MSH4: variants seen among roughly 807,000 people sequenced by gnomAD.
MSH4 encodes mutS protein homolog 4.
MSH4 carries 106 observed loss-of-function variants against 113.7 expected under a neutral mutation model. That is an observed-to-expected ratio of 0.93 (90% CI 0.80 to 1.10). The LOEUF is 1.10. Among genes scored for constraint, MSH4 ranks in the 50% least tolerant of loss-of-function variants. The probability of loss-of-function intolerance (pLI) is 0.00; values close to 1 mark genes in which losing one functional copy is unlikely to be tolerated. For synonymous variants in MSH4, 368 were observed against 380.2 expected, an observed-to-expected ratio of 0.97 and a Z score of 0.37; for missense variants, 1,061 against 1,093.7, an observed-to-expected ratio of 0.97 and a Z score of 0.42.
chr1:75,878,143 T>C lies in MSH4; in HGVS notation c.1371-6T>C. 1.3e-6 allele frequency: 2 copies of C among 1,556,014 alleles called. No individual in the cohort carries two copies. The highest frequency in any genetic ancestry group is 1.7e-6 in the Non-Finnish European group (2 of 1,152,594). On this transcript the variant is annotated splice_region_variant and splice_polypyrimidine_tract_variant and intron_variant, in intron 10 of 19. Coordinates refer to ENST00000263187, the MANE Select transcript of MSH4 (RefSeq NM_002440.4). Reference sequence around the variant, plus strand: ...TATAATGTTTTTCTTTTGGCCTTAATATTAGGTTTGGAATCATACTTGAAA... The same window carrying C: ...TATAATGTTTTTCTTTTGGCCTTAACATTAGGTTTGGAATCATACTTGAAA...
intron 14 of MSH4, among the ~76,000 whole-genome samples, chr1:75,883,333 T>A (rs1188132265): frequency 6.6e-6 from 1 of 151,698 alleles, no homozygotes. Context: ...CTTTTTAATC[T>A]ACAAAAAGCT....
At chr1:75,879,524 T>C (rs1651886159) in intron 12 of MSH4, among the ~76,000 whole-genome samples, 1 of 152,206 alleles carries the variant, frequency 6.6e-6, no homozygotes, top group South Asian at 2.1e-4. Flanking sequence ...GAATAATTTT[T>C]CCTATATAGC....
intron 9 of MSH4, 38 bp downstream of exon 9, chr1:75,867,626 C>A: frequency 7.6e-7 from 1 of 1,318,752 alleles, no homozygotes. Context: ...ACATGTCCAG[C>A]ATTATTTTTT....
intron 8 of MSH4, among the ~76,000 whole-genome samples, chr1:75,851,700 G>A (rs1445284642): frequency 3.9e-5 from 6 of 152,078 alleles, no homozygotes; most frequent in South Asian, 2.1e-4. Context: ...GTGAACCATC[G>A]GACACAGCCT....
At chr1:75,877,914 A>T (rs1332585831) in intron 10 of MSH4, among the ~76,000 whole-genome samples, 1 of 152,206 alleles carries the variant, frequency 6.6e-6, no homozygotes, top group African/African-American at 2.4e-5. Context: ...TAGCAGATGT[A>T]GAATTGTTTT....
At chr1:75,866,706 C>G (rs542523045) in intron 8 of MSH4, among the ~76,000 whole-genome samples, 1 of 152,044 alleles carries the variant, frequency 6.6e-6, no homozygotes, top group South Asian at 2.1e-4. Context: ...TCTGGCTAGG[C>G]ATGGTGGCTC....
chr1:75,806,914 G>T, intron 2 of MSH4, 67 bp from the exon 3 acceptor site: 4 of 1,390,040 alleles, frequency 2.9e-6, no homozygotes, highest in Non-Finnish European at 3.8e-6. Context: ...GAATTTCCTA[G>T]TTTTTTTTAA....
intron 19 of MSH4, among the ~76,000 whole-genome samples, chr1:75,909,973 A>G (rs929165930): frequency 5.3e-5 from 8 of 152,012 alleles, no homozygotes; most frequent in Non-Finnish European, 1.0e-4. Flanking sequence ...AAAAATCTCC[A>G]CTAAGTTATT....
At chr1:75,902,720 T>C (rs1245070953) in intron 19 of MSH4, among the ~76,000 whole-genome samples, 10 of 41,200 alleles carry the variant, frequency 2.4e-4, no homozygotes, top group Non-Finnish European at 4.9e-4. Context: ...TATATATATA[T>C]ATATATATAT....
intron 2 of MSH4, 88 bp from the exon 3 acceptor site, chr1:75,806,893 C>A: frequency 8.2e-7 from 1 of 1,225,170 alleles, no homozygotes; most frequent in Non-Finnish European, 1.1e-6. Context: ...TTATTTTGTC[C>A]TCTTGATTAA....
chr1:75,856,919 TC>T (rs1308127767), intron 8 of MSH4, among the ~76,000 whole-genome samples: 1 of 152,170 alleles, frequency 6.6e-6, no homozygotes, highest in Non-Finnish European at 1.5e-5. Context: ...GTAAAAGGGA[TC>T]CTATTTCTCC....
intron 10 of MSH4, 51 bp downstream of exon 10, chr1:75,877,051 G>A: frequency 1.7e-6 from 2 of 1,191,204 alleles, no homozygotes; most frequent in South Asian, 1.6e-5. Flanking sequence ...TCTTCTTCCT[G>A]ATCATAACTG....
At chr1:75,881,717 C>T (rs5745470) in intron 14 of MSH4, among the ~76,000 whole-genome samples, 4 of 151,898 alleles carry the variant, frequency 2.6e-5, no homozygotes, top group African/African-American at 4.8e-5. Flanking sequence ...GCGTGATAAA[C>T]GTTAATAGAG....
At chr1:75,817,313 A>C (rs768571550) in intron 6 of MSH4, among the ~76,000 whole-genome samples, 13 of 152,316 alleles carry the variant, frequency 8.5e-5, no homozygotes, top group Non-Finnish European at 1.6e-4. Flanking sequence ...TTAGGGAACT[A>C]CAAATCAAAA....
intron 5 of MSH4, 21 bp from the exon 6 acceptor site, chr1:75,816,352 G>A: frequency 6.5e-7 from 1 of 1,539,646 alleles, no homozygotes; most frequent in Non-Finnish European, 8.8e-7. Flanking sequence ...TTATAGTGAT[G>A]TATTATTGGT....
chr1:75,884,191 A>G (rs1322979698), intron 15 of MSH4, among the ~76,000 whole-genome samples: 1 of 152,154 alleles, frequency 6.6e-6, no homozygotes, highest in African/African-American at 2.4e-5. Flanking sequence ...GTTGCCTTTA[A>G]TAATCCATGT....
chr1:75,818,206 T>C (rs1308754110), intron 6 of MSH4, among the ~76,000 whole-genome samples: 1 of 152,244 alleles, frequency 6.6e-6, no homozygotes, highest in Non-Finnish European at 1.5e-5. Flanking sequence ...GTAACTCTTC[T>C]GCTGAAAACC....
chr1:75,891,894 A>G (rs1018196122), intron 17 of MSH4, among the ~76,000 whole-genome samples: 8 of 152,236 alleles, frequency 5.3e-5, no homozygotes, highest in Non-Finnish European at 1.0e-4. Flanking sequence ...AATAAAGTGC[A>G]TATATTACTT....
chr1:75,806,802 A>G (rs974393054), intron 2 of MSH4, among the ~76,000 whole-genome samples, 179 bp from the exon 3 acceptor site: 9 of 152,142 alleles, frequency 5.9e-5, no homozygotes, highest in African/African-American at 2.2e-4. Flanking sequence ...TGAGGTTTTG[A>G]TTGAAATTAT....
Sources: allele counts gnomAD v4.1 joint callset (sites outside exome capture counted in the v4.1 genomes callset), GRCh38; gene constraint gnomAD v4.1.1; transcripts MANE v1.5; gene names NCBI Gene and HGNC (gene_info 2026-07-23, HGNC 2026-07-21).